Variants in NT5DC1 observed in about 807,000 individuals in gnomAD.
NT5DC1 encodes the protein 5'-nucleotidase domain containing 1, also known as 5'-nucleotidase domain-containing protein 1.
In NT5DC1, 42 loss-of-function variants were observed where a neutral mutation model predicts 59.4. The ratio of observed to expected loss-of-function variants is 0.71; its 90% CI spans 0.55 to 0.92. The LOEUF is 0.92. Ranked by LOEUF, NT5DC1 falls within the 40% of genes least tolerant of loss-of-function variation. The pLI is 0.00. For missense variants in NT5DC1, 501 were observed against 537.1 expected (o/e 0.93, Z 0.66); for synonymous variants, 172 against 188.1 (o/e 0.91, Z 0.70).
chr6:116,163,141 A>AAAAAAATATATATATATATAT (rs761718922), intron 6 of NT5DC1, among the ~76,000 whole-genome samples: 2 of 88,406 alleles, frequency 2.3e-5, no homozygotes, highest in African/African-American at 5.8e-5. Flanking sequence ...AAAAAAAAAA[A>AAAAAAATATATATATATATAT]ATATATATAT....
intron 6 of NT5DC1, among the ~76,000 whole-genome samples, chr6:116,123,011 G>A (rs1779181215): frequency 6.6e-6 from 1 of 152,072 alleles, no homozygotes; most frequent in Non-Finnish European, 1.5e-5. Context: ...ATGTATAAGT[G>A]GATATTGATA....
Position 116,100,971 on chromosome 6 carries a change from G to C in NT5DC1, c.41G>C (p.Gly14Ala). Residue 14 changes from glycine (G) to alanine (A), a missense_variant, in exon 1 of 12, where the codon GGA becomes GCA. Gly to Ala is a moderately conservative substitution (Grantham distance 60, BLOSUM62 0). Transcript: ENST00000319550. Reference protein sequence around the residue: ...HFSLAACDVVGFDLDHTLCRY... With the variant: ...HFSLAACDVVAFDLDHTLCRY... ...TCCCTGGCCGCCTGCGACGTGGTCGGATTCGACCTGGACCACACTCTGTGT... is the reference window on the plus strand; with the variant it reads ...TCCCTGGCCGCCTGCGACGTGGTCGCATTCGACCTGGACCACACTCTGTGT... The C allele has an allele frequency of 1.2e-6, 2 of 1,605,288 alleles. No homozygotes were observed. The highest frequency in any genetic ancestry group is 2.2e-5 in the South Asian group (2 of 90,162).
At chr6:116,108,273 T>A (rs998213263) in intron 2 of NT5DC1, 91 bp from the exon 3 acceptor site, 1 of 801,660 alleles carries the variant, frequency 1.2e-6, no homozygotes, top group Admixed American at 1.8e-5. Context: ...GAATCCCTTT[T>A]TAGCATTATG....
At chr6:116,241,778 C>T (rs1771723099) in intron 11 of NT5DC1, among the ~76,000 whole-genome samples, 1 of 151,396 alleles carries the variant, frequency 6.6e-6, no homozygotes, top group African/African-American at 2.4e-5. Flanking sequence ...AAAAAATTAG[C>T]CAGGCGTGGT....
intron 6 of NT5DC1, among the ~76,000 whole-genome samples, chr6:116,205,465 T>C (rs988897188): frequency 8.5e-6 from 1 of 117,534 alleles, no homozygotes; most frequent in African/African-American, 6.0e-5. Flanking sequence ...CCCTGTTATC[T>C]GGTAGGTTGG....
At chr6:116,240,014 C>T (rs562643907) in intron 11 of NT5DC1, among the ~76,000 whole-genome samples, 10 of 151,958 alleles carry the variant, frequency 6.6e-5, no homozygotes, top group South Asian at 4.2e-4. Flanking sequence ...GATTTAACAG[C>T]GAATTAGACA....
intron 1 of NT5DC1, among the ~76,000 whole-genome samples, chr6:116,102,680 A>G (rs1362623750): frequency 6.6e-6 from 1 of 152,222 alleles, no homozygotes; most frequent in Non-Finnish European, 1.5e-5. Flanking sequence ...TAAAGCTTGA[A>G]AACAGTAACC....
intron 6 of NT5DC1, among the ~76,000 whole-genome samples, chr6:116,161,097 A>C (rs1049963768): frequency 1.3e-5 from 2 of 151,208 alleles, no homozygotes; most frequent in East Asian, 2.0e-4. Flanking sequence ...AAGAACAAAA[A>C]ACCAAACACC....
intron 6 of NT5DC1, chr6:116,119,190 A>C (rs1326828743): frequency 2.0e-5 from 3 of 152,674 alleles, no homozygotes; most frequent in Non-Finnish European, 4.4e-5. Context: ...TGAAACCCTC[A>C]GTGTAAATTA....
At chr6:116,182,610 T>C (rs1780910112) in intron 6 of NT5DC1, among the ~76,000 whole-genome samples, 1 of 152,108 alleles carries the variant, frequency 6.6e-6, no homozygotes, top group Non-Finnish European at 1.5e-5. Context: ...ACATTATGGT[T>C]TTGGTTTGCA....
At chr6:116,198,468 GCTTA>G (rs1781281431) in intron 6 of NT5DC1, among the ~76,000 whole-genome samples, 1 of 151,956 alleles carries the variant, frequency 6.6e-6, no homozygotes, top group Non-Finnish European at 1.5e-5. Context: ...AGTGACTCAT[GCTTA>G]TAATACCAGC....
At chr6:116,177,222 CAT>C (rs1780754643) in intron 6 of NT5DC1, among the ~76,000 whole-genome samples, 1 of 152,128 alleles carries the variant, frequency 6.6e-6, no homozygotes, top group African/African-American at 2.4e-5. Flanking sequence ...AGTTTAGTCT[CAT>C]AGATTATGTT....
intron 5 of NT5DC1, among the ~76,000 whole-genome samples, chr6:116,116,362 G>A (rs771736103): frequency 1.3e-5 from 2 of 151,872 alleles, no homozygotes; most frequent in Non-Finnish European, 2.9e-5. Context: ...CTACTTTTGG[G>A]GCCAGGTGCA....
intron 6 of NT5DC1, among the ~76,000 whole-genome samples, chr6:116,151,795 G>C (rs1780047758): frequency 6.6e-6 from 1 of 152,034 alleles, no homozygotes; most frequent in Non-Finnish European, 1.5e-5. Context: ...TTTTAAAAAA[G>C]CAGCAACAAC....
intron 6 of NT5DC1, among the ~76,000 whole-genome samples, chr6:116,171,248 A>G (rs1780600049): frequency 6.6e-6 from 1 of 152,150 alleles, no homozygotes; most frequent in South Asian, 2.1e-4. Flanking sequence ...TTATTTTTTA[A>G]TTGCCAAGAT....
intron 6 of NT5DC1, among the ~76,000 whole-genome samples, chr6:116,151,901 G>A (rs1780051033): frequency 6.6e-6 from 1 of 152,156 alleles, no homozygotes; most frequent in Non-Finnish European, 1.5e-5. Context: ...AAACACTGAT[G>A]CATTTATTTT....
At chr6:116,118,584 A>T (rs1343938999) in intron 6 of NT5DC1, among the ~76,000 whole-genome samples, 1 of 152,240 alleles carries the variant, frequency 6.6e-6, no homozygotes, top group Non-Finnish European at 1.5e-5. Flanking sequence ...TGATTGACAA[A>T]AAAATTGCTT....
chr6:116,154,563 T>G (rs1386614392), intron 6 of NT5DC1, among the ~76,000 whole-genome samples: 1 of 152,156 alleles, frequency 6.6e-6, no homozygotes, highest in Non-Finnish European at 1.5e-5. Flanking sequence ...TGTATTTGCT[T>G]TTTTAAAAAA....
rs763452560 is a variant in NT5DC1 at position 116,238,938 on chromosome 6, C to T, written c.1084-17C>T. The T allele has an allele frequency of 1.9e-5, 28 of 1,498,226 alleles. No homozygotes were observed. The highest frequency in any genetic ancestry group is 2.8e-5 in the African/African-American group (2 of 71,972). The allele number at this position is 1,498,226 out of a possible 1,614,324, so 92.8% of individuals were successfully genotyped here. A position where few individuals can be genotyped will look rare whatever the true frequency, so the allele number is the denominator to read the frequency against. ...TTAGTTAATCACCATTTTAATTATT[C>T]TGTTCTCTTGTTTCAGGGACCAAAA... On this transcript the variant is annotated splice_polypyrimidine_tract_variant and intron_variant, in intron 10 of 11. Coordinates refer to ENST00000319550, the MANE Select transcript of NT5DC1 (RefSeq NM_152729.3).
Sources: gnomAD v4.1 joint callset for allele counts (sites outside exome capture counted in the v4.1 genomes callset) on GRCh38, gnomAD v4.1.1 for gene constraint, MANE v1.5 for transcripts, NCBI Gene and HGNC (gene_info 2026-07-23, HGNC 2026-07-21) for gene names.